The following VAV2 variants were observed in gnomAD, a reference collection of about 807,000 sequenced individuals.
VAV2 encodes the protein guanine nucleotide exchange factor VAV2.
VAV2 carries 67 observed loss-of-function variants against 132.5 expected under a neutral mutation model. That is an observed-to-expected ratio of 0.51 (90% confidence interval 0.42 to 0.62). The LOEUF is 0.62. VAV2 is among the 20% of genes least tolerant of loss of function. The pLI, the probability that VAV2 is intolerant of heterozygous loss-of-function variation, is 0.00. For synonymous variants in VAV2, 492 were observed against 443.5 expected (o/e 1.11, Z -1.37); for missense variants, 938 against 1,153.6 (o/e 0.81, Z 2.71).
At position 133,961,722 on chromosome 9, in the gene VAV2, C is replaced by T. The variant is rs1841971622; in HGVS notation, c.205-22503G>A. 6.6e-6 allele frequency among the ~76,000 whole-genome samples: 1 copy of T among 152,192 alleles called. No homozygotes were observed. Reference sequence around the variant, plus strand: ...GTTTGCCTGCGAACTCCCAAGCCAGCTGCAGAAAAGACACAGGACACAACC... The same window carrying T: ...GTTTGCCTGCGAACTCCCAAGCCAGTTGCAGAAAAGACACAGGACACAACC... On this transcript the variant is annotated intron_variant, in intron 1 of 29. Coordinates refer to ENST00000371850, the MANE Select transcript of VAV2 (RefSeq NM_001134398.2). This position sits in a 1 kb window ranked among gnomAD's most constrained non-coding sequence, Gnocchi z 4.1.
At chr9:133,803,159 T>TCA (rs1460338011) in intron 9 of VAV2, among the ~76,000 whole-genome samples, 1 of 151,270 alleles carries the variant, frequency 6.6e-6, no homozygotes, top group East Asian at 2.0e-4. Flanking sequence ...ACCAAAGCGC[T>TCA]CACCTGTCTC....
In VAV2 at chr9:133,899,937, C is replaced by T. The variant is rs537879899; in HGVS notation, c.322-38505G>A. On this transcript the variant is annotated intron_variant, in intron 2 of 29. Transcript: ENST00000371850. ...TTGGGAGGCTGAGGCAGGAGAATGGCGTGAACCCGGGAGGCGGAGCTTGCA... is the reference window on the plus strand; with the variant it reads ...TTGGGAGGCTGAGGCAGGAGAATGGTGTGAACCCGGGAGGCGGAGCTTGCA... 6.0e-5 allele frequency among the ~76,000 whole-genome samples: 9 copies of T among 150,964 alleles called. No individual in the cohort carries two copies. The South Asian group carries it at 1.3e-3, about 21-fold the overall frequency.
intron 2 of VAV2, among the ~76,000 whole-genome samples, chr9:133,886,042 G>T (rs964358009): frequency 2.6e-5 from 4 of 152,324 alleles, no homozygotes; most frequent in African/African-American, 9.6e-5. Flanking sequence ...CTGACAGCTG[G>T]GGGGCGGGAA....
chr9:133,770,526 C>T, intron 26 of VAV2, 25 bp from the exon 27 acceptor site: 6 of 1,609,798 alleles, frequency 3.7e-6, no homozygotes, highest in Non-Finnish European at 5.1e-6. Flanking sequence ...CACTCACTGA[C>T]AGCTGCTGCC....
chr9:133,892,267 G>T (rs1440571070), intron 2 of VAV2, among the ~76,000 whole-genome samples: 7 of 151,644 alleles, frequency 4.6e-5, no homozygotes, highest in African/African-American at 1.7e-4. Context: ...GGTGTCCCGG[G>T]TTGGCTGCAT....
intron 2 of VAV2, among the ~76,000 whole-genome samples, chr9:133,882,683 C>G (rs957668484): frequency 6.6e-6 from 1 of 152,094 alleles, no homozygotes; most frequent in South Asian, 2.1e-4. Context: ...CCTTGTTTTG[C>G]GGCACCAGGT....
intron 9 of VAV2, among the ~76,000 whole-genome samples, chr9:133,803,794 A>C (rs1432350543): frequency 6.6e-6 from 1 of 152,176 alleles, no homozygotes; most frequent in Non-Finnish European, 1.5e-5. Flanking sequence ...TTAATAAAAG[A>C]AAAATTCTAA....
chr9:133,893,279 G>A (rs183502632), intron 2 of VAV2, among the ~76,000 whole-genome samples: 3 of 152,224 alleles, frequency 2.0e-5, no homozygotes, highest in Non-Finnish European at 4.4e-5. Context: ...GGTGGAGGGT[G>A]GAGAGGGCTG....
intron 19 of VAV2, 102 bp downstream of exon 19, chr9:133,783,401 C>T (rs2131597684): frequency 8.6e-7 from 1 of 1,162,098 alleles, no homozygotes; most frequent in Non-Finnish European, 1.3e-6. Flanking sequence ...CTGGTCGCTG[C>T]CCCGTGGGAG....
intron 9 of VAV2, among the ~76,000 whole-genome samples, chr9:133,803,151 C>T (rs1835002285): frequency 6.6e-6 from 1 of 151,912 alleles, no homozygotes; most frequent in African/African-American, 2.4e-5. Context: ...CTCGGTGCAC[C>T]AAAGCGCTCA....
chr9:133,851,096 C>T (rs1265029560), intron 3 of VAV2, among the ~76,000 whole-genome samples: 1 of 152,238 alleles, frequency 6.6e-6, no homozygotes, highest in Admixed American at 6.5e-5. Flanking sequence ...GACAGTCATG[C>T]CCCTGGGGCT....
At chr9:133,917,283 C>T (rs931606084) in intron 2 of VAV2, among the ~76,000 whole-genome samples, 1 of 152,164 alleles carries the variant, frequency 6.6e-6, no homozygotes, top group Non-Finnish European at 1.5e-5. Flanking sequence ...AAACTCAGCA[C>T]TCAAAAGGCA....
intron 2 of VAV2, among the ~76,000 whole-genome samples, chr9:133,896,680 C>A (rs1839217293): frequency 6.6e-6 from 1 of 152,100 alleles, no homozygotes; most frequent in African/African-American, 2.4e-5. Context: ...CACTGTAATT[C>A]CATTCTGGTT....
chr9:133,903,882 G>A lies in VAV2; in HGVS notation c.321+35221C>T, dbSNP rs377491832. ...TTGAAAGCCAGGGGAAGAGTTTGAAGAAACCCATTTCACACACTGAGTAAA... is the reference window on the plus strand; with the variant it reads ...TTGAAAGCCAGGGGAAGAGTTTGAAAAAACCCATTTCACACACTGAGTAAA... On this transcript the variant is annotated intron_variant, in intron 2 of 29. Transcript: ENST00000371850. 5.5e-4 allele frequency among the ~76,000 whole-genome samples: 84 copies of A among 152,274 alleles called. 1 individual carries two copies. The South Asian group carries it at 0.015, about 26-fold the overall frequency.
chr9:133,782,101 GGGGGC>G (rs979144298), intron 19 of VAV2, among the ~76,000 whole-genome samples: 5 of 138,582 alleles, frequency 3.6e-5, no homozygotes, highest in Admixed American at 7.2e-5. Context: ...ATAATCCGGC[GGGGGC>G]GGGGCGGGGG....
At chr9:133,949,397 T>C (rs1055556966) in intron 1 of VAV2, among the ~76,000 whole-genome samples, 1 of 152,232 alleles carries the variant, frequency 6.6e-6, no homozygotes, top group Admixed American at 6.5e-5. Context: ...CCCTGGATGC[T>C]GGAGACACGT....
intron 13 of VAV2, among the ~76,000 whole-genome samples, chr9:133,790,778 G>A (rs780317934): frequency 4.0e-5 from 6 of 151,642 alleles, no homozygotes; most frequent in East Asian, 1.9e-4. Flanking sequence ...GTGCTTTTCC[G>A]TGCCCCACGT....
intron 2 of VAV2, among the ~76,000 whole-genome samples, chr9:133,930,198 CGGCCTCCACTCTGCCTCCT>C (rs1840628723): frequency 1.3e-5 from 2 of 152,188 alleles, no homozygotes; most frequent in African/African-American, 2.4e-5. Context: ...ACAGCCCCAC[CGGCCTCCACTCTGCCTCCT>C]GGCCTCCTCT....
intron 2 of VAV2, among the ~76,000 whole-genome samples, chr9:133,917,898 G>C (rs1320548583): frequency 1.3e-5 from 2 of 151,892 alleles, no homozygotes; most frequent in East Asian, 3.9e-4. Flanking sequence ...TGGAGACCCT[G>C]GTCCCCCGCC....
Sources: allele counts gnomAD v4.1 joint callset (sites outside exome capture counted in the v4.1 genomes callset), GRCh38; gene constraint gnomAD v4.1.1; non-coding constraint Gnocchi (gnomAD v3.1); transcripts MANE v1.5; gene names NCBI Gene and HGNC (gene_info 2026-07-23, HGNC 2026-07-21).